Variants in DPT observed in about 807,000 individuals in gnomAD.
DPT encodes dermatopontin.
Under a neutral mutation model 31.2 loss-of-function variants are expected in DPT, and 21 were observed. The ratio of observed to expected loss-of-function variants is 0.67; its 90% CI spans 0.48 to 0.97. DPT has a LOEUF of 0.97. DPT is among the 50% of genes least tolerant of loss of function. The pLI, the probability that DPT is intolerant of heterozygous loss-of-function variation, is 0.00. For missense variants in DPT, 262 were observed against 258.8 expected (o/e 1.01, Z -0.08); for synonymous variants, 91 against 86.9 (o/e 1.05, Z -0.26).
intron 2 of DPT, among the ~76,000 whole-genome samples, chr1:168,710,857 G>T (rs921263216): frequency 1.3e-5 from 2 of 152,076 alleles, no homozygotes; most frequent in African/African-American, 4.8e-5. Context: ...GACAGGATAA[G>T]CTTCAAGAAG....
chr1:168,713,443 G>C (rs991750455), intron 2 of DPT, among the ~76,000 whole-genome samples: 1 of 152,222 alleles, frequency 6.6e-6, no homozygotes, highest in East Asian at 1.9e-4. Flanking sequence ...AAACTGTAGA[G>C]AGATCAATCA....
chr1:168,703,063 T>C (rs1414502076), intron 2 of DPT, among the ~76,000 whole-genome samples: 3 of 151,992 alleles, frequency 2.0e-5, no homozygotes, highest in African/African-American at 7.2e-5. Flanking sequence ...GAATAAGAGG[T>C]TGCATGGGGG....
intron 2 of DPT, among the ~76,000 whole-genome samples, chr1:168,703,410 T>C (rs1024208687): frequency 6.6e-6 from 1 of 152,282 alleles, no homozygotes; most frequent in African/African-American, 2.4e-5. Flanking sequence ...AGAAGGAAAA[T>C]GTTATTTCAT....
intron 2 of DPT, among the ~76,000 whole-genome samples, chr1:168,713,168 G>A (rs1368751705): frequency 1.3e-5 from 2 of 152,160 alleles, no homozygotes; most frequent in Non-Finnish European, 2.9e-5. Flanking sequence ...GTAATCCTTT[G>A]CCAGGCCTGT....
intron 3 of DPT, among the ~76,000 whole-genome samples, chr1:168,699,484 A>G (rs1417452378): frequency 1.3e-5 from 2 of 152,152 alleles, no homozygotes; most frequent in African/African-American, 2.4e-5. Flanking sequence ...AAGTAAAAAT[A>G]AGTAATGTGT....
chr1:168,722,225 A>C (rs1650131694), intron 1 of DPT, among the ~76,000 whole-genome samples: 1 of 152,206 alleles, frequency 6.6e-6, no homozygotes, highest in Non-Finnish European at 1.5e-5. Flanking sequence ...TTTAAACAAG[A>C]GATCTAATGC....
intron 1 of DPT, among the ~76,000 whole-genome samples, chr1:168,720,890 AG>A (rs1650094563): frequency 6.6e-6 from 1 of 152,254 alleles, no homozygotes; most frequent in African/African-American, 2.4e-5. Context: ...ATTTATAAAA[AG>A]GCCCACAGAA....
Position 168,696,404 on chromosome 1 carries a change from G to A in DPT, c.*145C>T, listed in dbSNP as rs1269529858. The A allele has an allele frequency of 1.6e-6, 1 of 639,770 alleles. No homozygotes were observed. The highest frequency in any genetic ancestry group is 1.8e-5 in the African/African-American group (1 of 54,338). The allele number at this position is 639,770 out of a possible 1,614,324, so 39.6% of individuals were successfully genotyped here. On this transcript the variant is annotated 3_prime_UTR_variant, in exon 4 of 4. Coordinates refer to ENST00000367817, the MANE Select transcript of DPT (RefSeq NM_001937.5). Reference sequence around the variant, plus strand: ...TGTGATACTAGTCAGAAAGGCCCAGGAAGTTGGCATTGCAGTTACCAGCTC... The same window carrying A: ...TGTGATACTAGTCAGAAAGGCCCAGAAAGTTGGCATTGCAGTTACCAGCTC...
chr1:168,724,177 G>C (rs557628749), intron 1 of DPT, among the ~76,000 whole-genome samples: 2 of 152,346 alleles, frequency 1.3e-5, no homozygotes, highest in South Asian at 4.1e-4. Flanking sequence ...GGCAAAGTGT[G>C]TCAGCCATCC....
At chr1:168,706,797 C>G (rs1203631732) in intron 2 of DPT, among the ~76,000 whole-genome samples, 1 of 152,208 alleles carries the variant, frequency 6.6e-6, no homozygotes, top group Non-Finnish European at 1.5e-5. Context: ...GAACACTTTC[C>G]AAATTGCTCT....
At chr1:168,715,798 A>G (rs1313124826) in intron 1 of DPT, among the ~76,000 whole-genome samples, 2 of 152,116 alleles carry the variant, frequency 1.3e-5, no homozygotes, top group Non-Finnish European at 2.9e-5. Flanking sequence ...CTCTTTCACA[A>G]ACCCTTCCAA....
intron 1 of DPT, among the ~76,000 whole-genome samples, chr1:168,720,598 G>C (rs1650087152): frequency 6.6e-6 from 1 of 152,104 alleles, no homozygotes; most frequent in African/African-American, 2.4e-5. Flanking sequence ...TGGTTGTGCT[G>C]GTCTTTTTTT....
chr1:168,724,163 C>T (rs539288990), intron 1 of DPT, among the ~76,000 whole-genome samples: 16 of 152,276 alleles, frequency 1.1e-4, no homozygotes, highest in East Asian at 5.8e-4. Context: ...CTTCATTCTG[C>T]GGCGGCAAAG....
At chr1:168,700,325 C>A (rs1398087849) in intron 3 of DPT, among the ~76,000 whole-genome samples, 2 of 152,146 alleles carry the variant, frequency 1.3e-5, no homozygotes, top group Non-Finnish European at 1.5e-5. Context: ...AGACACTGAA[C>A]CTGCTGGCAC....
At chr1:168,712,515 C>T (rs1330866339) in intron 2 of DPT, among the ~76,000 whole-genome samples, 1 of 152,292 alleles carries the variant, frequency 6.6e-6, no homozygotes, top group East Asian at 1.9e-4. Context: ...TTTTAACTGG[C>T]TTTTAATGCT....
At chr1:168,717,260 G>A (rs1008236195) in intron 1 of DPT, among the ~76,000 whole-genome samples, 1 of 152,198 alleles carries the variant, frequency 6.6e-6, no homozygotes, top group African/African-American at 2.4e-5. Flanking sequence ...ACTGGCATGA[G>A]ATGGTATCTT....
intron 1 of DPT, among the ~76,000 whole-genome samples, chr1:168,724,947 G>A (rs919179394): frequency 6.6e-5 from 10 of 152,034 alleles, no homozygotes; most frequent in Non-Finnish European, 1.0e-4. Flanking sequence ...TGAAGCCCGG[G>A]GTAAAAAGTA....
intron 1 of DPT, among the ~76,000 whole-genome samples, chr1:168,718,640 T>C (rs1424551905): frequency 6.6e-6 from 1 of 152,202 alleles, no homozygotes; most frequent in Non-Finnish European, 1.5e-5. Flanking sequence ...GCTATGCTGC[T>C]GGATGGCTCC....
intron 1 of DPT, among the ~76,000 whole-genome samples, chr1:168,724,395 G>T (rs1016906937): frequency 6.6e-6 from 1 of 152,224 alleles, no homozygotes; most frequent in African/African-American, 2.4e-5. Context: ...GACACTGGCT[G>T]GGGTTTGGAC....
Sources: allele counts gnomAD v4.1 joint callset (sites outside exome capture counted in the v4.1 genomes callset), GRCh38; gene constraint gnomAD v4.1.1; transcripts MANE v1.5; gene names NCBI Gene and HGNC (gene_info 2026-07-23, HGNC 2026-07-21).